The following GALNTL6 variants were observed in gnomAD, a reference collection of about 807,000 sequenced individuals.
GALNTL6 encodes the protein polypeptide N-acetylgalactosaminyltransferase like 6, also known as polypeptide N-acetylgalactosaminyltransferase-like 6.
In GALNTL6, 46 loss-of-function variants were observed where a neutral mutation model predicts 73.7. The ratio of observed to expected loss-of-function variants is 0.62; its 90% CI spans 0.49 to 0.80. GALNTL6 has a LOEUF of 0.80. GALNTL6 is among the 30% of genes least tolerant of loss of function. GALNTL6 has a pLI of 0.00. For missense variants in GALNTL6, 604 were observed against 755.0 expected, an observed-to-expected ratio of 0.80 and a Z score of 2.34; for synonymous variants, 259 against 263.7, an observed-to-expected ratio of 0.98 and a Z score of 0.17.
intron 5 of GALNTL6, among the ~76,000 whole-genome samples, chr4:172,648,262 G>A (rs1740327682): frequency 6.6e-6 from 1 of 152,086 alleles, no homozygotes; most frequent in African/African-American, 2.4e-5. Flanking sequence ...CATTGGCCAG[G>A]CTTCAGAAAT....
intron 2 of GALNTL6, among the ~76,000 whole-genome samples, chr4:172,170,510 T>G (rs1283967091): frequency 8.1e-6 from 1 of 122,904 alleles, no homozygotes; most frequent in Non-Finnish European, 1.6e-5. Context: ...CTTTGGTGGT[T>G]TTTTTTTTTT....
chr4:171,851,357 T>TA lies in GALNTL6; in HGVS notation c.138+36646dup, dbSNP rs201134028. On this transcript the variant is annotated intron_variant, in intron 2 of 12. Transcript: ENST00000506823. Reference sequence around the variant, plus strand: ...AGTAGAAAGATGTGACCAATTGCTTTAAAAAAATTATATTTTGACTGAATC... The same window carrying TA: ...AGTAGAAAGATGTGACCAATTGCTTTAAAAAAAATTATATTTTGACTGAATC... Among the ~76,000 whole-genome samples, 784 of 152,260 alleles carry TA rather than the reference T, an allele frequency of 5.1e-3. 3 individuals carry two copies. The highest frequency in any genetic ancestry group is 8.2e-3 in the Non-Finnish European group (557 of 67,988).
chr4:172,747,845 A>AG (rs1277849742), intron 5 of GALNTL6, among the ~76,000 whole-genome samples: 1 of 151,642 alleles, frequency 6.6e-6, no homozygotes, highest in Non-Finnish European at 1.5e-5. Flanking sequence ...TTCAAAAAAA[A>AG]AAAAAGCCAC....
In GALNTL6 at chr4:172,308,542, G is replaced by C. The variant is rs150093191; in HGVS notation, c.248-3072G>C. Among the ~76,000 whole-genome samples, 43 of 152,148 alleles carry C rather than the reference G, an allele frequency of 2.8e-4. No homozygotes were observed. The East Asian group carries it at 5.6e-3, about 20-fold the overall frequency. On this transcript the variant is annotated intron_variant, in intron 3 of 12. Coordinates refer to ENST00000506823, the MANE Select transcript of GALNTL6 (RefSeq NM_001034845.3). ...TTTACTGAGGGTTTTCATCATAAAG[G>C]GATGCTGGATTTTGTCAGATGCTTT...
At chr4:172,189,344 C>T (rs552361371) in intron 2 of GALNTL6, among the ~76,000 whole-genome samples, 1 of 151,768 alleles carries the variant, frequency 6.6e-6, no homozygotes, top group Non-Finnish European at 1.5e-5. Context: ...TTACATAGAC[C>T]CCATGGAAAA....
intron 5 of GALNTL6, among the ~76,000 whole-genome samples, chr4:172,622,287 T>C (rs1421398213): frequency 1.3e-5 from 2 of 152,102 alleles, no homozygotes; most frequent in Non-Finnish European, 2.9e-5. Context: ...AGTTTCCAAC[T>C]CAAAAGATCT....
At chr4:172,066,049 C>T (rs1473642980) in intron 2 of GALNTL6, among the ~76,000 whole-genome samples, 1 of 152,198 alleles carries the variant, frequency 6.6e-6, no homozygotes, top group Admixed American at 6.5e-5. Flanking sequence ...ACCAACATCC[C>T]CCACAAGATA....
intron 5 of GALNTL6, among the ~76,000 whole-genome samples, chr4:172,516,456 C>T (rs1252966130): frequency 6.6e-6 from 1 of 152,028 alleles, no homozygotes; most frequent in Non-Finnish European, 1.5e-5. Context: ...ACCAAAGTTC[C>T]TTTTTATATC....
intron 5 of GALNTL6, among the ~76,000 whole-genome samples, chr4:172,349,125 T>C (rs1741853756): frequency 6.6e-6 from 1 of 152,176 alleles, no homozygotes; most frequent in African/African-American, 2.4e-5. Flanking sequence ...TTCATAAATA[T>C]TAGAAACTAT....
chr4:172,061,573 A>C (rs1258246884), intron 2 of GALNTL6, among the ~76,000 whole-genome samples: 1 of 152,220 alleles, frequency 6.6e-6, no homozygotes, highest in African/African-American at 2.4e-5. Flanking sequence ...AAGACTTTTG[A>C]AATGTCCCAG....
chr4:172,539,778 T>C (rs1344908668), intron 5 of GALNTL6, among the ~76,000 whole-genome samples: 2 of 150,804 alleles, frequency 1.3e-5, no homozygotes, highest in African/African-American at 4.9e-5. Context: ...GCCATAATAT[T>C]GATAATGAAG....
chr4:171,823,178 A>G (rs1046924151), intron 2 of GALNTL6, among the ~76,000 whole-genome samples: 10 of 152,172 alleles, frequency 6.6e-5, no homozygotes, highest in Non-Finnish European at 1.3e-4. Context: ...TTTAAATAAA[A>G]TTATACTAGA....
chr4:171,834,732 T>C (rs1735056882), intron 2 of GALNTL6, among the ~76,000 whole-genome samples: 1 of 151,878 alleles, frequency 6.6e-6, no homozygotes, highest in Admixed American at 6.6e-5. Context: ...TCATGAAAAG[T>C]GCTCTTTTCT....
intron 7 of GALNTL6, among the ~76,000 whole-genome samples, chr4:172,822,064 T>C (rs780635943): frequency 7.2e-5 from 11 of 152,206 alleles, no homozygotes; most frequent in Non-Finnish European, 1.5e-4. Flanking sequence ...TTCTTCCCTC[T>C]CCCTATGGGT....
At chr4:171,965,217 A>G (rs778893510) in intron 2 of GALNTL6, among the ~76,000 whole-genome samples, 5 of 152,212 alleles carry the variant, frequency 3.3e-5, no homozygotes, top group Non-Finnish European at 5.9e-5. Flanking sequence ...TAGGGTAAAG[A>G]AGCTCACCTT....
chr4:172,217,732 A>G (rs988924083), intron 2 of GALNTL6, among the ~76,000 whole-genome samples: 1 of 152,100 alleles, frequency 6.6e-6, no homozygotes, highest in Non-Finnish European at 1.5e-5. Flanking sequence ...CTGCCCACTC[A>G]TTGCAAAATT....
intron 5 of GALNTL6, among the ~76,000 whole-genome samples, chr4:172,700,059 T>C (rs902369625): frequency 6.6e-6 from 1 of 152,086 alleles, no homozygotes; most frequent in Non-Finnish European, 1.5e-5. Context: ...ATTAGAGAAA[T>C]TCTGAAAGTT....
intron 2 of GALNTL6, among the ~76,000 whole-genome samples, chr4:172,017,621 T>C (rs867409922): frequency 2.3e-4 from 35 of 152,156 alleles, no homozygotes; most frequent in Middle Eastern, 3.4e-3. Context: ...GTGATTGTGT[T>C]TCTGCTGTGA....
At chr4:173,004,860 C>T (rs937527733) in intron 10 of GALNTL6, among the ~76,000 whole-genome samples, 17 of 152,066 alleles carry the variant, frequency 1.1e-4, no homozygotes, top group South Asian at 2.1e-4. Context: ...AGAGTGCCTA[C>T]GACATAGCAG....
Sources: gnomAD v4.1 joint callset for allele counts (sites outside exome capture counted in the v4.1 genomes callset) on GRCh38, gnomAD v4.1.1 for gene constraint, MANE v1.5 for transcripts, NCBI Gene and HGNC (gene_info 2026-07-23, HGNC 2026-07-21) for gene names.